The following CRACR2A variants were observed in gnomAD, a reference collection of about 807,000 sequenced individuals.
The protein encoded by CRACR2A is EF-hand calcium-binding domain-containing protein 4B.
A neutral mutation model predicts 90.5 loss-of-function variants in CRACR2A; 79 were observed. The observed-to-expected ratio is 0.87, with a 90% CI of 0.73 to 1.05. CRACR2A has a LOEUF of 1.05. Among genes scored for constraint, CRACR2A ranks in the 50% least tolerant of loss-of-function variants. The pLI is 0.00. For synonymous variants in CRACR2A, 338 were observed against 356.7 expected (o/e 0.95, Z 0.59); for missense variants, 823 against 897.2 (o/e 0.92, Z 1.06).
At chr12:3,671,025 AC>A (rs1471596512) in intron 7 of CRACR2A, among the ~76,000 whole-genome samples, 1 of 152,168 alleles carries the variant, frequency 6.6e-6, no homozygotes, top group East Asian at 1.9e-4. Context: ...GAGTGGCTTG[AC>A]TTTTATCTCA....
chr12:3,661,943 C>T (rs1352993094), intron 7 of CRACR2A, among the ~76,000 whole-genome samples: 2 of 152,258 alleles, frequency 1.3e-5, no homozygotes, highest in South Asian at 2.1e-4. Context: ...ATTAAATGTG[C>T]TATAGTAACT....
intron 1 of CRACR2A, among the ~76,000 whole-genome samples, chr12:3,734,891 C>G (rs567319925): frequency 2.6e-5 from 4 of 152,048 alleles, no homozygotes; most frequent in African/African-American, 9.6e-5. Flanking sequence ...AATGTTGGTC[C>G]AAGGGTACAA....
At chr12:3,717,835 T>C (rs1478085122) in intron 2 of CRACR2A, among the ~76,000 whole-genome samples, 1 of 152,164 alleles carries the variant, frequency 6.6e-6, no homozygotes, top group Non-Finnish European at 1.5e-5. Context: ...TCATCTTCAA[T>C]GACACCTTCA....
chr12:3,629,169 C>A (rs534049645), intron 15 of CRACR2A, among the ~76,000 whole-genome samples: 1 of 152,130 alleles, frequency 6.6e-6, no homozygotes, highest in East Asian at 1.9e-4. Context: ...CATACATACA[C>A]ATTCACACAC....
rs1946389724 is a variant in CRACR2A, at chr12:3,733,226, AGAGAGGAAAG to A, written c.-386-26_-386-17del. On this transcript the variant is annotated splice_polypyrimidine_tract_variant and intron_variant, in intron 1 of 19. Transcript: ENST00000440314. ...AGGGCATGACCTGTGGGTAGAACAG[AGAGAGGAAAG>A]GGTTCCTCACTTTGACTTCAAGCAA... is the stretch of plus-strand genomic sequence containing the variant. 1 of 152,274 alleles carries A rather than the reference AGAGAGGAAAG, an allele frequency of 6.6e-6. No homozygotes were observed. The highest frequency in any genetic ancestry group is 2.1e-4 in the South Asian group (1 of 4,832). The allele number at this position is 152,274 out of a possible 1,614,324, so 9.4% of individuals were successfully genotyped here.
At chr12:3,679,152 G>A in intron 5 of CRACR2A, 54 bp from the exon 6 acceptor site, 2 of 1,482,276 alleles carry the variant, frequency 1.3e-6, no homozygotes, top group Non-Finnish European at 1.8e-6. Context: ...TCCAGGAAGA[G>A]CTCAGCTTTC....
chr12:3,685,200 T>C (rs1945530451), intron 4 of CRACR2A, among the ~76,000 whole-genome samples: 2 of 152,230 alleles, frequency 1.3e-5, no homozygotes, highest in African/African-American at 4.8e-5. Flanking sequence ...TAACAGCAGC[T>C]GGATACGAGT....
chr12:3,635,296 C>T (rs114043996), intron 14 of CRACR2A, among the ~76,000 whole-genome samples: 199 of 152,218 alleles, frequency 1.3e-3, no homozygotes, highest in African/African-American at 4.6e-3. Context: ...GGCTGGATTG[C>T]GGGGAGGGGG....
intron 1 of CRACR2A, among the ~76,000 whole-genome samples, chr12:3,737,876 C>A (rs187080069): frequency 4.6e-5 from 7 of 152,352 alleles, no homozygotes; most frequent in East Asian, 1.9e-4. Context: ...TCCTACCAAG[C>A]CTTCCTCTCC....
At chr12:3,641,623 C>A (rs542820476) in intron 13 of CRACR2A, 109 bp downstream of exon 13, 3 of 895,464 alleles carry the variant, frequency 3.4e-6, no homozygotes, top group East Asian at 5.3e-5. Flanking sequence ...TGCAGCTGAC[C>A]TCAGTTTCCG....
chr12:3,751,473 C>CTAGGCTTAA (rs1946701118), intron 1 of CRACR2A, among the ~76,000 whole-genome samples: 1 of 152,190 alleles, frequency 6.6e-6, no homozygotes, highest in Non-Finnish European at 1.5e-5. Flanking sequence ...CAAAATATCC[C>CTAGGCTTAA]TAGGCTTAAT....
intron 8 of CRACR2A, among the ~76,000 whole-genome samples, chr12:3,659,352 T>C (rs1944979972): frequency 6.6e-6 from 1 of 152,130 alleles, no homozygotes; most frequent in African/African-American, 2.4e-5. Context: ...TTGCAACTTA[T>C]ATGCTAGCAG....
At chr12:3,629,909 C>T (rs1028135583) in intron 15 of CRACR2A, among the ~76,000 whole-genome samples, 12 of 151,588 alleles carry the variant, frequency 7.9e-5, no homozygotes, top group African/African-American at 9.7e-5. Context: ...ACAAGTCCAA[C>T]GGGATAGACA....
intron 3 of CRACR2A, among the ~76,000 whole-genome samples, chr12:3,706,960 T>C (rs969279234): frequency 2.0e-5 from 3 of 152,136 alleles, no homozygotes; most frequent in African/African-American, 7.2e-5. Context: ...TCAGATTATA[T>C]TATAATAAAA....
rs985953098 is a variant in CRACR2A, at chr12:3,690,084, C to CT, written c.228+6687dup. Among the ~76,000 whole-genome samples the CT allele has an allele frequency of 1.6e-4, 24 of 150,286 alleles. No homozygotes were observed. The East Asian group carries it at 1.8e-3, about 11-fold the overall frequency. On this transcript the variant is annotated intron_variant, in intron 4 of 19. Transcript: ENST00000440314. ...TCTAATGATCTATCTATTTTATTAA[C>CT]TTTTTTTTTCAAAAAAAGAAAAAAC... is the stretch of plus-strand genomic sequence containing the variant.
At chr12:3,743,243 T>A (rs1000033142) in intron 1 of CRACR2A, among the ~76,000 whole-genome samples, 1 of 152,266 alleles carries the variant, frequency 6.6e-6, no homozygotes, top group African/African-American at 2.4e-5. Flanking sequence ...TCATTGACAC[T>A]CATTTTACCT....
Position 3,684,717 on chromosome 12 carries a change from A to C in CRACR2A, c.229-4368T>G, listed in dbSNP as rs923448373. Among the ~76,000 whole-genome samples the C allele has an allele frequency of 1.8e-4, 28 of 152,364 alleles. 1 individual carries two copies. Among genetic ancestry groups the C allele is most frequent in the African/African-American group, 6.3e-4 (26 of 41,588 alleles). ...GTAGCCATAACATGAGAAGGCCATC[A>C]CTTGGCTGTACACCACTATTGTCTG... On this transcript the variant is annotated intron_variant, in intron 4 of 19. Transcript: ENST00000440314.
chr12:3,616,866 G>A (rs534778460), intron 19 of CRACR2A, 88 bp downstream of exon 19: 4 of 1,049,578 alleles, frequency 3.8e-6, no homozygotes, highest in Middle Eastern at 4.4e-4. Flanking sequence ...CAGAGGTGTG[G>A]CCTGGGTGGA....
intron 2 of CRACR2A, chr12:3,730,557 T>C (rs951629215): frequency 6.6e-6 from 1 of 152,212 alleles, no homozygotes; most frequent in Non-Finnish European, 1.5e-5. Context: ...AAAAACAACC[T>C]GTGTTCATCA....
Sources: gnomAD v4.1 joint callset for allele counts (sites outside exome capture counted in the v4.1 genomes callset) on GRCh38, gnomAD v4.1.1 for gene constraint, MANE v1.5 for transcripts, NCBI Gene and HGNC (gene_info 2026-07-23, HGNC 2026-07-21) for gene names.